SPEF2: variants seen among roughly 807,000 people sequenced by gnomAD.
The protein encoded by SPEF2 is sperm flagella and cilia-associated protein 2.
SPEF2 carries 187 observed loss-of-function variants against 224.6 expected under a neutral mutation model. The observed-to-expected ratio is 0.83, with a 90% CI of 0.74 to 0.94. The LOEUF is 0.94. Among genes scored for constraint, SPEF2 ranks in the 40% least tolerant of loss-of-function variants. SPEF2 has a pLI of 0.00. For synonymous variants in SPEF2, 715 were observed against 707.3 expected, an observed-to-expected ratio of 1.01 and a Z score of -0.17; for missense variants, 2,170 against 2,135.6, an observed-to-expected ratio of 1.02 and a Z score of -0.32.
chr5:35,646,424 TACAG>T, intron 4 of SPEF2: 1 of 310,476 alleles, frequency 3.2e-6, no homozygotes, highest in South Asian at 8.6e-5. Flanking sequence ...AGAATTAAAA[TACAG>T]ACATTTAATA....
At chr5:35,749,264 T>C (rs1749041889) in intron 23 of SPEF2, among the ~76,000 whole-genome samples, 1 of 152,080 alleles carries the variant, frequency 6.6e-6, no homozygotes, top group Admixed American at 6.6e-5. Context: ...TGGGGAAAAG[T>C]TGAAAGCATT....
At position 35,763,655 on chromosome 5, in the gene SPEF2, T is replaced by G; in HGVS notation, c.3754T>G (p.Leu1252Val). The change falls in exon 26 of 37, where the codon TTG (leucine) becomes GTG (valine). Residue 1252 changes from leucine (L) to valine (V), a missense_variant. Transcript: ENST00000356031. ...GTCCAACTTTGAGGCCGATGAAAAGTTGGTCATGGACACCTGGCAGCAGGC... is the reference window on the plus strand; with the variant it reads ...GTCCAACTTTGAGGCCGATGAAAAGGTGGTCATGGACACCTGGCAGCAGGC... ...VESNFEADEK[L>V]VMDTWQQASL... 6.2e-7 allele frequency: 1 copy of G among 1,613,790 alleles called. No homozygotes were observed. The highest frequency in any genetic ancestry group is 8.5e-7 in the Non-Finnish European group (1 of 1,179,868).
chr5:35,780,287 T>G (rs1754147622), intron 30 of SPEF2, among the ~76,000 whole-genome samples: 2 of 152,176 alleles, frequency 1.3e-5, no homozygotes, highest in African/African-American at 4.8e-5. Flanking sequence ...TTCCAGAAAT[T>G]CACATCATAT....
chr5:35,684,811 T>C (rs1472867271), intron 10 of SPEF2, among the ~76,000 whole-genome samples: 5 of 152,236 alleles, frequency 3.3e-5, no homozygotes, highest in East Asian at 3.9e-4. Context: ...GTTAAGTGAC[T>C]GCACAGCTCA....
chr5:35,673,881 C>A (rs1300628791), intron 10 of SPEF2, among the ~76,000 whole-genome samples: 2 of 152,220 alleles, frequency 1.3e-5, no homozygotes, highest in African/African-American at 4.8e-5. Context: ...TGTATGGACA[C>A]CTATCCCCCA....
chr5:35,780,582 C>A (rs1018298269), intron 30 of SPEF2, among the ~76,000 whole-genome samples: 2 of 152,166 alleles, frequency 1.3e-5, no homozygotes, highest in Non-Finnish European at 1.5e-5. Flanking sequence ...TTCCTTCAGT[C>A]CTTTAGTCAG....
Position 35,700,619 on chromosome 5 carries a change from A to T in SPEF2, c.2265A>T (p.Lys755Asn). 6.2e-7 allele frequency: 1 copy of T among 1,614,012 alleles called. No homozygotes were observed. The highest frequency in any genetic ancestry group is 8.5e-7 in the Non-Finnish European group (1 of 1,179,956). ...NRNLTEVERK[K>N]AQKSTLAIDP... ...ACCTCACAGAAGTGGAAAGAAAAAA[A>T]GCACAAAAATCCACATTGGCTATTG... Residue 755 changes from lysine (K) to asparagine (N), a missense_variant, in exon 16 of 37, where the codon AAA becomes AAT. Physicochemically the swap from Lys to Asn is moderately conservative, Grantham distance 94. Transcript: ENST00000356031.
intron 1 of SPEF2, among the ~76,000 whole-genome samples, chr5:35,628,258 A>T (rs1382609287): frequency 6.6e-6 from 1 of 152,036 alleles, no homozygotes; most frequent in Non-Finnish European, 1.5e-5. Context: ...ATTTATATTT[A>T]TTTGGGAATC....
At chr5:35,807,865 T>C in intron 36 of SPEF2, 1 of 1,495,054 alleles carries the variant, frequency 6.7e-7, no homozygotes, top group Non-Finnish European at 8.9e-7. Flanking sequence ...CCCAGGCCTT[T>C]AACAGCAGGG....
At chr5:35,671,538 C>A in intron 10 of SPEF2, 1 of 981,520 alleles carries the variant, frequency 1.0e-6, no homozygotes, top group Non-Finnish European at 1.2e-6. Context: ...TAAGGTATTT[C>A]TTTCCATTGT....
rs1027679262 is a variant in SPEF2, at chr5:35,734,990, A to G, written c.3064-4929A>G. On this transcript the variant is annotated intron_variant, in intron 21 of 36. Transcript: ENST00000356031. Reference sequence around the variant, plus strand: ...CTCCCAAAGTGCTGGGATTATAGGCATGAGACACCACGCCCGGCCATGAAT... The same window carrying G: ...CTCCCAAAGTGCTGGGATTATAGGCGTGAGACACCACGCCCGGCCATGAAT... Among the ~76,000 whole-genome samples, 4 of 152,026 alleles carry G rather than the reference A, an allele frequency of 2.6e-5. No homozygotes were observed. The South Asian group carries it at 6.2e-4, about 24-fold the overall frequency.
intron 2 of SPEF2, among the ~76,000 whole-genome samples, chr5:35,635,030 A>T (rs1226682446): frequency 6.6e-6 from 1 of 152,042 alleles, no homozygotes; most frequent in Non-Finnish European, 1.5e-5. Flanking sequence ...AATACTAGCG[A>T]AGTGATTTTC....
intron 10 of SPEF2, among the ~76,000 whole-genome samples, chr5:35,690,225 A>T (rs919300477): frequency 3.3e-5 from 5 of 152,082 alleles, no homozygotes; most frequent in Non-Finnish European, 7.4e-5. Flanking sequence ...GAACATTTGA[A>T]TTGTTCTCTA....
chr5:35,704,739 A>G, intron 17 of SPEF2, 77 bp downstream of exon 17: 1 of 830,392 alleles, frequency 1.2e-6, no homozygotes, highest in East Asian at 2.5e-5. Flanking sequence ...GAATCATCAG[A>G]TCTAGAAGAA....
At chr5:35,807,783 C>A in intron 36 of SPEF2, 1 of 1,535,608 alleles carries the variant, frequency 6.5e-7, no homozygotes, top group Non-Finnish European at 8.7e-7. Context: ...GGAAGAACTG[C>A]AACTCAGAAA....
At chr5:35,706,061 A>G (rs1160828786) in intron 18 of SPEF2, among the ~76,000 whole-genome samples, 1 of 151,654 alleles carries the variant, frequency 6.6e-6, no homozygotes, top group Non-Finnish European at 1.5e-5. Flanking sequence ...AAAAAAAAAC[A>G]AGAAAAAAAC....
chr5:35,699,042 G>T (rs547974779), intron 15 of SPEF2: 1 of 152,274 alleles, frequency 6.6e-6, no homozygotes, highest in Non-Finnish European at 1.5e-5. Flanking sequence ...CCTAATGAGA[G>T]AAATATAGAC....
At chr5:35,664,530 A>T (rs1051575350) in intron 8 of SPEF2, among the ~76,000 whole-genome samples, 45 of 152,194 alleles carry the variant, frequency 3.0e-4, no homozygotes, top group African/African-American at 1.1e-3. Context: ...AAATACAAAA[A>T]TTAGCCAGGT....
At chr5:35,769,612 A>G (rs1752515815) in intron 26 of SPEF2, among the ~76,000 whole-genome samples, 1 of 152,136 alleles carries the variant, frequency 6.6e-6, no homozygotes, top group South Asian at 2.1e-4. Context: ...CAAAGCTGTG[A>G]AGAATACAAA....
Sources: gnomAD v4.1 joint callset for allele counts (sites outside exome capture counted in the v4.1 genomes callset) on GRCh38, gnomAD v4.1.1 for gene constraint, MANE v1.5 for transcripts, NCBI Gene and HGNC (gene_info 2026-07-23, HGNC 2026-07-21) for gene names.